The following SEMA5A variants were observed in gnomAD, a reference collection of about 807,000 sequenced individuals.
The protein encoded by SEMA5A is semaphorin 5A, also known as semaphorin-5A.
Under a neutral mutation model 135.5 loss-of-function variants are expected in SEMA5A, and 55 were observed. The observed-to-expected ratio is 0.41, with a 90% CI of 0.33 to 0.51. The LOEUF (loss-of-function observed/expected upper bound fraction) is 0.51. Ranked by LOEUF, SEMA5A falls within the 20% of genes least tolerant of loss-of-function variation. The probability of loss-of-function intolerance (pLI) is 0.37; values close to 1 mark genes in which losing one functional copy is unlikely to be tolerated. For missense variants in SEMA5A, 1,290 were observed against 1,419.9 expected, an observed-to-expected ratio of 0.91 and a Z score of 1.47; for synonymous variants, 580 against 546.5, an observed-to-expected ratio of 1.06 and a Z score of -0.85.
chr5:9,233,308 C>T (rs965696055), intron 6 of SEMA5A, among the ~76,000 whole-genome samples: 2 of 152,080 alleles, frequency 1.3e-5, no homozygotes, highest in Admixed American at 6.5e-5. Context: ...CTTGTTAGGT[C>T]GTGAGAGAAT....
At chr5:9,429,765 A>G (rs1757791437) in intron 2 of SEMA5A, among the ~76,000 whole-genome samples, 1 of 152,228 alleles carries the variant, frequency 6.6e-6, no homozygotes, top group Non-Finnish European at 1.5e-5. Flanking sequence ...CAGGGAGACC[A>G]AGGAGGCCAG....
intron 5 of SEMA5A, among the ~76,000 whole-genome samples, chr5:9,264,882 G>A (rs1375319157): frequency 1.3e-5 from 2 of 152,112 alleles, no homozygotes; most frequent in African/African-American, 4.8e-5. Context: ...CTTCGGGGTG[G>A]GAAGAAACAT....
At chr5:9,102,979 T>C (rs945725637) in intron 16 of SEMA5A, among the ~76,000 whole-genome samples, 4 of 152,220 alleles carry the variant, frequency 2.6e-5, no homozygotes, top group Non-Finnish European at 5.9e-5. Context: ...CGACTGGAGC[T>C]AAACAAATAC....
intron 4 of SEMA5A, among the ~76,000 whole-genome samples, chr5:9,321,890 G>A (rs1470373506): frequency 1.3e-5 from 2 of 152,126 alleles, no homozygotes; most frequent in African/African-American, 4.8e-5. Flanking sequence ...TATGGTATCT[G>A]TCTCCAGAAA....
chr5:9,349,197 T>C lies in SEMA5A; in HGVS notation c.125-11385A>G, dbSNP rs147219887. Among the ~76,000 whole-genome samples, 45 of 152,306 alleles carry C rather than the reference T, an allele frequency of 3.0e-4. 1 individual carries two copies. The East Asian group carries it at 7.7e-3, about 26-fold the overall frequency. On this transcript the variant is annotated intron_variant, in intron 3 of 22. Coordinates refer to ENST00000382496, the MANE Select transcript of SEMA5A (RefSeq NM_003966.3). ...CCTCTTTGCCGAAGTACAGATTCTA[T>C]CTACACATCGGAACTAGAACATATT...
intron 5 of SEMA5A, among the ~76,000 whole-genome samples, chr5:9,303,205 C>T (rs6870005): frequency 0.14 from 21,257 of 151,514 alleles, 1,582 homozygotes; most frequent in South Asian, 0.19. Flanking sequence ...CAATCTCCGC[C>T]TCCTAGGTTC....
In SEMA5A at chr5:9,095,100, A is replaced by G. The variant is rs577071841; in HGVS notation, c.2073+13040T>C. On this transcript the variant is annotated intron_variant, in intron 16 of 22. Transcript: ENST00000382496. Reference sequence around the variant, plus strand: ...TGACATATTTTGAAGGCTTCTAAATATAACCTTGTATTCCTCTTTAGAAAT... The same window carrying G: ...TGACATATTTTGAAGGCTTCTAAATGTAACCTTGTATTCCTCTTTAGAAAT... Among the ~76,000 whole-genome samples the G allele has an allele frequency of 3.9e-4, 59 of 152,348 alleles. 1 individual carries two copies. Among genetic ancestry groups the G allele is most frequent in the African/African-American group, 1.2e-3 (49 of 41,584 alleles).
chr5:9,203,469 A>C (rs1230690427), intron 8 of SEMA5A, among the ~76,000 whole-genome samples: 2 of 152,226 alleles, frequency 1.3e-5, no homozygotes, highest in African/African-American at 4.8e-5. Context: ...CATTAATGTT[A>C]AGAGTAAGAC....
intron 11 of SEMA5A, among the ~76,000 whole-genome samples, chr5:9,156,076 G>A (rs1047581822): frequency 1.3e-5 from 2 of 152,178 alleles, no homozygotes; most frequent in African/African-American, 2.4e-5. Flanking sequence ...GCATGTATTT[G>A]TGTTCATGTA....
chr5:9,190,169 G>C (rs928039493), intron 11 of SEMA5A, 98 bp downstream of exon 11: 1 of 1,317,554 alleles, frequency 7.6e-7, no homozygotes, highest in Admixed American at 2.0e-5. Context: ...GACATCAGGC[G>C]TAAAGCTTGA....
intron 2 of SEMA5A, among the ~76,000 whole-genome samples, chr5:9,420,235 G>T (rs1027851768): frequency 6.6e-6 from 1 of 152,036 alleles, no homozygotes; most frequent in African/African-American, 2.4e-5. Flanking sequence ...ACAGAGTGGT[G>T]CTAGTGGGCT....
At chr5:9,118,112 C>A (rs181174001) in intron 15 of SEMA5A, among the ~76,000 whole-genome samples, 1 of 152,136 alleles carries the variant, frequency 6.6e-6, no homozygotes, top group Admixed American at 6.5e-5. Context: ...TAACTATATA[C>A]AGTATTTTTA....
intron 8 of SEMA5A, among the ~76,000 whole-genome samples, chr5:9,203,839 C>T (rs2150371880): frequency 6.6e-6 from 1 of 152,172 alleles, no homozygotes; most frequent in Non-Finnish European, 1.5e-5. Flanking sequence ...ACTTGAATTG[C>T]ATAACATTGT....
chr5:9,326,428 GT>G (rs1052881682), intron 4 of SEMA5A, among the ~76,000 whole-genome samples: 1 of 152,054 alleles, frequency 6.6e-6, no homozygotes, highest in Non-Finnish European at 1.5e-5. Context: ...TTTTTTGTGT[GT>G]TTTTAGTAGA....
intron 2 of SEMA5A, among the ~76,000 whole-genome samples, chr5:9,403,225 C>T (rs1756738853): frequency 6.6e-6 from 1 of 152,160 alleles, no homozygotes; most frequent in Non-Finnish European, 1.5e-5. Flanking sequence ...TATTATTTCA[C>T]TTACAAAGTG....
At chr5:9,137,578 A>G (rs1741830106) in intron 12 of SEMA5A, among the ~76,000 whole-genome samples, 1 of 152,160 alleles carries the variant, frequency 6.6e-6, no homozygotes, top group Non-Finnish European at 1.5e-5. Flanking sequence ...AAGAAGTTGG[A>G]GGGGCAGGAA....
At chr5:9,434,510 T>G (rs1410581946) in intron 2 of SEMA5A, among the ~76,000 whole-genome samples, 1 of 152,140 alleles carries the variant, frequency 6.6e-6, no homozygotes, top group Non-Finnish European at 1.5e-5. Flanking sequence ...ACACCTGTAC[T>G]CCAGAGATAA....
At chr5:9,223,642 T>C (rs1747130551) in intron 8 of SEMA5A, among the ~76,000 whole-genome samples, 1 of 152,234 alleles carries the variant, frequency 6.6e-6, no homozygotes, top group African/African-American at 2.4e-5. Context: ...TTAGCTGATA[T>C]GTAGCAAAAG....
At chr5:9,268,887 T>G (rs1260842130) in intron 5 of SEMA5A, among the ~76,000 whole-genome samples, 1 of 152,180 alleles carries the variant, frequency 6.6e-6, no homozygotes, top group African/African-American at 2.4e-5. Context: ...TTAAACATAC[T>G]AATTTATTTT....
Sources: gnomAD v4.1 joint callset for allele counts (sites outside exome capture counted in the v4.1 genomes callset) on GRCh38, gnomAD v4.1.1 for gene constraint, MANE v1.5 for transcripts, NCBI Gene and HGNC (gene_info 2026-07-23, HGNC 2026-07-21) for gene names.